The following GIN1 variants were observed in gnomAD, a reference collection of about 807,000 sequenced individuals.
GIN1 encodes the protein gypsy retrotransposon integrase 1.
A neutral mutation model predicts 51.4 loss-of-function variants in GIN1; 41 were observed. The ratio of observed to expected loss-of-function variants is 0.80; its 90% CI spans 0.62 to 1.04. The LOEUF is 1.04. Among genes scored for constraint, GIN1 ranks in the 50% least tolerant of loss-of-function variants. The probability of loss-of-function intolerance (pLI) is 0.00; values close to 1 mark genes in which losing one functional copy is unlikely to be tolerated. For synonymous variants in GIN1, 222 were observed against 206.5 expected, an observed-to-expected ratio of 1.07 and a Z score of -0.64; for missense variants, 610 against 612.4, an observed-to-expected ratio of 1.00 and a Z score of 0.04.
intron 1 of GIN1, among the ~76,000 whole-genome samples, chr5:103,111,183 A>AC (rs1554196883): frequency 2.4e-5 from 2 of 83,710 alleles, no homozygotes; most frequent in African/African-American, 6.7e-5. Flanking sequence ...CTCAACTCTT[A>AC]AAAAAAAAAG....
intron 1 of GIN1, among the ~76,000 whole-genome samples, chr5:103,113,104 TTCTA>T (rs782761799): frequency 2.0e-5 from 3 of 152,070 alleles, no homozygotes; most frequent in Non-Finnish European, 2.9e-5. Flanking sequence ...CACACTCACC[TTCTA>T]TCTGACCTTG....
intron 7 of GIN1, among the ~76,000 whole-genome samples, chr5:103,092,364 A>C (rs1286409262): frequency 6.6e-6 from 1 of 152,178 alleles, no homozygotes; most frequent in African/African-American, 2.4e-5. Flanking sequence ...AATTTCCCTG[A>C]GAAAAATAAA....
chr5:103,094,821 C>A (rs548410442), intron 7 of GIN1, among the ~76,000 whole-genome samples: 9 of 152,038 alleles, frequency 5.9e-5, no homozygotes, highest in Non-Finnish European at 1.0e-4. Flanking sequence ...TAGCTCAGAA[C>A]TGAGAAGAGG....
At chr5:103,097,043 A>T (rs1787417257) in intron 6 of GIN1, among the ~76,000 whole-genome samples, 1 of 149,076 alleles carries the variant, frequency 6.7e-6, no homozygotes, top group African/African-American at 2.4e-5. Context: ...AATTTGCCGA[A>T]GTCAAACAAC....
intron 1 of GIN1, among the ~76,000 whole-genome samples, chr5:103,118,374 TATC>T (rs1331564246): frequency 6.6e-6 from 1 of 152,160 alleles, no homozygotes. Context: ...ATCTAAGTAT[TATC>T]ATCCATATCA....
At chr5:103,119,288 T>C (rs1788257597) in intron 1 of GIN1, among the ~76,000 whole-genome samples, 1 of 152,206 alleles carries the variant, frequency 6.6e-6, no homozygotes, top group Non-Finnish European at 1.5e-5. Context: ...TTAACTTGGA[T>C]CGGAATTCTG....
intron 4 of GIN1, among the ~76,000 whole-genome samples, chr5:103,099,680 C>G (rs1047820104): frequency 6.6e-6 from 1 of 152,144 alleles, no homozygotes; most frequent in African/African-American, 2.4e-5. Flanking sequence ...AACCATCAAA[C>G]CAGATATTCC....
intron 1 of GIN1, among the ~76,000 whole-genome samples, chr5:103,109,847 A>G (rs1787824616): frequency 6.6e-6 from 1 of 152,130 alleles, no homozygotes. Flanking sequence ...GACTTTTTAT[A>G]CAAATAAAGT....
intron 4 of GIN1, among the ~76,000 whole-genome samples, chr5:103,098,647 T>TG (rs1787477751): frequency 6.6e-6 from 1 of 152,098 alleles, no homozygotes; most frequent in South Asian, 2.1e-4. Flanking sequence ...TTTGTACAGA[T>TG]GGAGTTTCAC....
chr5:103,113,603 C>T (rs1407891299), intron 1 of GIN1, among the ~76,000 whole-genome samples: 1 of 150,658 alleles, frequency 6.6e-6, no homozygotes, highest in Non-Finnish European at 1.5e-5. Context: ...CTTACTGCAA[C>T]CTCTGCCTCC....
chr5:103,109,314 T>C (rs1477608730), intron 1 of GIN1, among the ~76,000 whole-genome samples: 1 of 152,070 alleles, frequency 6.6e-6, no homozygotes, highest in East Asian at 1.9e-4. Flanking sequence ...TGTTTCCTGC[T>C]AGGATTCTGA....
At chr5:103,089,730 A>C (rs1554194328) in intron 7 of GIN1, among the ~76,000 whole-genome samples, 1 of 152,200 alleles carries the variant, frequency 6.6e-6, no homozygotes, top group Non-Finnish European at 1.5e-5. Context: ...TAGATTAGAG[A>C]CCAATGGAAG....
At chr5:103,092,445 G>T (rs1787269831) in intron 7 of GIN1, among the ~76,000 whole-genome samples, 1 of 152,040 alleles carries the variant, frequency 6.6e-6, no homozygotes, top group African/African-American at 2.4e-5. Context: ...AAAAGATAAA[G>T]GTTTCAGACT....
intron 2 of GIN1, 48 bp downstream of exon 2, chr5:103,108,520 TG>T: frequency 1.5e-6 from 2 of 1,290,560 alleles, no homozygotes; most frequent in Non-Finnish European, 2.2e-6. Context: ...AGGAAGAATG[TG>T]GGGAAGAATC....
intron 3 of GIN1, 47 bp downstream of exon 3, chr5:103,106,669 C>T (rs1554196284): frequency 1.8e-6 from 2 of 1,086,916 alleles, no homozygotes; most frequent in Non-Finnish European, 2.7e-6. Context: ...TTTTAAGTAT[C>T]TATCAGAAAG....
At chr5:103,103,137 A>G (rs1787621735) in intron 4 of GIN1, among the ~76,000 whole-genome samples, 1 of 152,154 alleles carries the variant, frequency 6.6e-6, no homozygotes, top group East Asian at 1.9e-4. Flanking sequence ...ACCAAACACA[A>G]TCTTTCCTTC....
intron 4 of GIN1, among the ~76,000 whole-genome samples, chr5:103,100,138 A>T (rs1454579226): frequency 6.6e-6 from 1 of 150,612 alleles, no homozygotes; most frequent in Non-Finnish European, 1.5e-5. Context: ...ACAGGGTCTC[A>T]GTCTGTTACC....
chr5:103,115,662 A>G (rs531526994), intron 1 of GIN1, among the ~76,000 whole-genome samples: 2 of 152,172 alleles, frequency 1.3e-5, no homozygotes, highest in Non-Finnish European at 2.9e-5. Flanking sequence ...GCACACTTAA[A>G]AATGGTTAAG....
chr5:103,095,894 A>G lies in GIN1; in HGVS notation c.1294+647T>C, dbSNP rs537323216. 9.2e-5 allele frequency among the ~76,000 whole-genome samples: 14 copies of G among 152,308 alleles called. No individual in the cohort carries two copies. The East Asian group carries it at 2.5e-3, about 27-fold the overall frequency. Reference sequence around the variant, plus strand: ...AGCTGAGATTACACAACTACACTCCAGCCTGGGGGACAGAATGAGACTCTG... The same window carrying G: ...AGCTGAGATTACACAACTACACTCCGGCCTGGGGGACAGAATGAGACTCTG... On this transcript the variant is annotated intron_variant, in intron 7 of 7. Transcript: ENST00000399004.
Sources: allele counts gnomAD v4.1 joint callset (sites outside exome capture counted in the v4.1 genomes callset), GRCh38; gene constraint gnomAD v4.1.1; transcripts MANE v1.5; gene names NCBI Gene and HGNC (gene_info 2026-07-23, HGNC 2026-07-21).